The following PDGFRL variants were observed in gnomAD, a reference collection of about 807,000 sequenced individuals.
PDGFRL encodes platelet-derived growth factor receptor-like protein.
PDGFRL carries 46 observed loss-of-function variants against 37.2 expected under a neutral mutation model. The observed-to-expected ratio is 1.24, with a 90% CI of 0.98 to 1.58. PDGFRL has a LOEUF of 1.58. Ranked by LOEUF, PDGFRL falls within the 40% of genes most tolerant of loss-of-function variation. The pLI is 0.00. For synonymous variants in PDGFRL, 251 were observed against 184.3 expected, an observed-to-expected ratio of 1.36 and a Z score of -2.93; for missense variants, 692 against 467.6, an observed-to-expected ratio of 1.48 and a Z score of -4.43.
At chr8:17,597,381 A>G (rs1338092487) in intron 2 of PDGFRL, among the ~76,000 whole-genome samples, 1 of 152,230 alleles carries the variant, frequency 6.6e-6, no homozygotes. Context: ...ATTTATCCGA[A>G]TGTAATCTTC....
At chr8:17,601,624 T>C (rs1804168479) in intron 2 of PDGFRL, among the ~76,000 whole-genome samples, 1 of 152,162 alleles carries the variant, frequency 6.6e-6, no homozygotes, top group Admixed American at 6.5e-5. Flanking sequence ...CTTCCCACCC[T>C]CCACCTTCAA....
chr8:17,578,306 T>A (rs1803631663), intron 1 of PDGFRL, among the ~76,000 whole-genome samples: 1 of 152,200 alleles, frequency 6.6e-6, no homozygotes, highest in East Asian at 1.9e-4. Flanking sequence ...CACATTTTTA[T>A]CCACTCGTTC....
At chr8:17,625,375 C>T (rs548402999) in intron 3 of PDGFRL, among the ~76,000 whole-genome samples, 1 of 152,108 alleles carries the variant, frequency 6.6e-6, no homozygotes, top group East Asian at 1.9e-4. Flanking sequence ...GGGTCTCGGT[C>T]TCCTGACCTC....
At chr8:17,601,327 G>T (rs1804161332) in intron 2 of PDGFRL, among the ~76,000 whole-genome samples, 1 of 152,166 alleles carries the variant, frequency 6.6e-6, no homozygotes. Context: ...TGGTGCCAGA[G>T]GCACTGAGCC....
chr8:17,642,370 A>G (rs1805145516), intron 5 of PDGFRL, among the ~76,000 whole-genome samples: 1 of 152,270 alleles, frequency 6.6e-6, no homozygotes, highest in African/African-American at 2.4e-5. Flanking sequence ...ACCTTACAGA[A>G]GAAAAGGGCA....
chr8:17,590,073 T>C (rs1438549252), intron 2 of PDGFRL, among the ~76,000 whole-genome samples: 1 of 150,390 alleles, frequency 6.6e-6, no homozygotes, highest in Non-Finnish European at 1.5e-5. Flanking sequence ...CTATTAAAAA[T>C]ACAGAAAATT....
At chr8:17,610,611 T>G (rs1804390668) in intron 2 of PDGFRL, among the ~76,000 whole-genome samples, 1 of 152,108 alleles carries the variant, frequency 6.6e-6, no homozygotes, top group Non-Finnish European at 1.5e-5. Flanking sequence ...GATGACCTTG[T>G]CAAATTTACA....
chr8:17,604,326 G>T (rs1804227257), intron 2 of PDGFRL, among the ~76,000 whole-genome samples: 1 of 152,134 alleles, frequency 6.6e-6, no homozygotes, highest in African/African-American at 2.4e-5. Context: ...CAAAGACTTG[G>T]AACCAACCTA....
intron 1 of PDGFRL, among the ~76,000 whole-genome samples, chr8:17,582,191 G>C (rs1803721491): frequency 6.6e-6 from 1 of 152,148 alleles, no homozygotes; most frequent in African/African-American, 2.4e-5. Flanking sequence ...CCATGCCCTA[G>C]GGATTTTGGA....
chr8:17,610,349 A>G (rs1437220651), intron 2 of PDGFRL, among the ~76,000 whole-genome samples: 2 of 152,202 alleles, frequency 1.3e-5, no homozygotes, highest in Non-Finnish European at 2.9e-5. Flanking sequence ...TAAATCCGGA[A>G]TCCGAAATGC....
chr8:17,596,823 G>T (rs1206488054), intron 2 of PDGFRL, among the ~76,000 whole-genome samples: 3 of 152,194 alleles, frequency 2.0e-5, no homozygotes, highest in Admixed American at 2.0e-4. Context: ...TTGCCCTCAA[G>T]GGGGCACGAT....
chr8:17,578,729 C>T (rs1803641868), intron 1 of PDGFRL, among the ~76,000 whole-genome samples: 1 of 152,184 alleles, frequency 6.6e-6, no homozygotes, highest in Non-Finnish European at 1.5e-5. Flanking sequence ...TCCTGGATCT[C>T]ACCCAGCCCA....
chr8:17,602,596 C>A (rs1175553108), intron 2 of PDGFRL, among the ~76,000 whole-genome samples: 1 of 151,972 alleles, frequency 6.6e-6, no homozygotes, highest in Non-Finnish European at 1.5e-5. Flanking sequence ...AATAGCTTTG[C>A]GTGGAAAGTG....
intron 2 of PDGFRL, among the ~76,000 whole-genome samples, chr8:17,606,644 CT>C: frequency 6.6e-6 from 1 of 152,232 alleles, no homozygotes; most frequent in Middle Eastern, 3.4e-3. Context: ...CCCCAGTGTA[CT>C]CAATGTTCTG....
intron 1 of PDGFRL, among the ~76,000 whole-genome samples, chr8:17,581,715 C>A (rs895310161): frequency 1.3e-4 from 20 of 152,242 alleles, no homozygotes; most frequent in Non-Finnish European, 2.1e-4. Context: ...GTTATCGTTG[C>A]CCTCTGCCCT....
chr8:17,595,134 TGGAGGGACAG>T (rs1326716159), intron 2 of PDGFRL, among the ~76,000 whole-genome samples: 6 of 152,114 alleles, frequency 3.9e-5, no homozygotes, highest in Non-Finnish European at 7.4e-5. Context: ...CAGCTCTGGA[TGGAGGGACAG>T]CCCCACATGC....
chr8:17,593,979 C>A (rs571755796), intron 2 of PDGFRL, among the ~76,000 whole-genome samples: 63 of 152,096 alleles, frequency 4.1e-4, no homozygotes, highest in Non-Finnish European at 7.9e-4. Flanking sequence ...GACCTCTAGA[C>A]CGTTTTCATC....
intron 2 of PDGFRL, among the ~76,000 whole-genome samples, chr8:17,618,756 A>G (rs970533821): frequency 6.6e-6 from 1 of 152,144 alleles, no homozygotes; most frequent in Non-Finnish European, 1.5e-5. Flanking sequence ...TACTCTGCAC[A>G]GATTTGTTGC....
chr8:17,636,766 T>C (rs1804978263), intron 5 of PDGFRL, among the ~76,000 whole-genome samples: 1 of 152,184 alleles, frequency 6.6e-6, no homozygotes, highest in Admixed American at 6.5e-5. Flanking sequence ...GTGTTTCCAT[T>C]TGTTTGTGTC....
Sources: gnomAD v4.1 joint callset for allele counts (sites outside exome capture counted in the v4.1 genomes callset) on GRCh38, gnomAD v4.1.1 for gene constraint, MANE v1.5 for transcripts, NCBI Gene and HGNC (gene_info 2026-07-23, HGNC 2026-07-21) for gene names.